SUCLA2: variants seen among roughly 807,000 people sequenced by gnomAD.
The protein encoded by SUCLA2 is succinate--CoA ligase [ADP-forming] subunit beta, mitochondrial.
SUCLA2 carries 30 observed loss-of-function variants against 54.8 expected under a neutral mutation model. The observed-to-expected ratio is 0.55, with a 90% confidence interval of 0.41 to 0.74. The LOEUF (loss-of-function observed/expected upper bound fraction) is 0.74. Ranked by LOEUF, SUCLA2 falls within the 30% of genes least tolerant of loss-of-function variation. The pLI is 0.00. For missense variants in SUCLA2, 476 were observed against 562.9 expected (o/e 0.85, Z 1.56); for synonymous variants, 172 against 188.9 (o/e 0.91, Z 0.74).
chr13:47,967,506 T>C (rs1949928663), intron 6 of SUCLA2, among the ~76,000 whole-genome samples: 2 of 152,142 alleles, frequency 1.3e-5, no homozygotes, highest in Admixed American at 1.3e-4. Flanking sequence ...GAATATTTAC[T>C]GATCTTAAGA....
At chr13:47,953,963 A>G (rs554107025) in intron 8 of SUCLA2, among the ~76,000 whole-genome samples, 177 bp downstream of exon 8, 2 of 152,278 alleles carry the variant, frequency 1.3e-5, no homozygotes, top group African/African-American at 4.8e-5. Flanking sequence ...GTGTTTCAGA[A>G]GAGTCTCTTG....
At chr13:47,948,531 G>T (rs1949752450) in intron 10 of SUCLA2, among the ~76,000 whole-genome samples, 1 of 152,062 alleles carries the variant, frequency 6.6e-6, no homozygotes, top group South Asian at 2.1e-4. Context: ...TTGGACTTCT[G>T]TATTTGTCCC....
intron 6 of SUCLA2, chr13:47,965,661 G>A (rs1261723477): frequency 5.0e-6 from 2 of 398,322 alleles, no homozygotes; most frequent in African/African-American, 2.1e-5. Flanking sequence ...ATAGTATAAA[G>A]GACATCAGTA....
chr13:48,000,262 T>C (rs1950220063), intron 1 of SUCLA2, among the ~76,000 whole-genome samples: 1 of 152,210 alleles, frequency 6.6e-6, no homozygotes, highest in Non-Finnish European at 1.5e-5. Flanking sequence ...ATAATGCCCT[T>C]CCACAGTTTT....
chr13:47,948,841 A>G, intron 10 of SUCLA2, 99 bp downstream of exon 10: 1 of 1,146,360 alleles, frequency 8.7e-7, no homozygotes, highest in Non-Finnish European at 1.3e-6. Flanking sequence ...TACACTCATA[A>G]TATTTAGCTG....
intron 8 of SUCLA2, among the ~76,000 whole-genome samples, chr13:47,950,747 A>G (rs1886977): frequency 0.95 from 144,105 of 152,156 alleles, 68,312 homozygotes; most frequent in East Asian, 1. Flanking sequence ...CCAAAATATC[A>G]TTCCCCTCAA....
At chr13:47,950,668 A>G (rs950865751) in intron 8 of SUCLA2, among the ~76,000 whole-genome samples, 4 of 152,122 alleles carry the variant, frequency 2.6e-5, no homozygotes, top group Non-Finnish European at 2.9e-5. Context: ...TTTTAAAAAA[A>G]AGAGGTTTAG....
At chr13:47,943,754 G>GTATA (rs1261086680) in intron 10 of SUCLA2, among the ~76,000 whole-genome samples, 7 of 115,692 alleles carry the variant, frequency 6.1e-5, no homozygotes, top group Admixed American at 5.0e-4. Flanking sequence ...ATGTGTGTGT[G>GTATA]TGTGTGTGTG....
At chr13:47,996,296 C>T (rs1243738660) in intron 2 of SUCLA2, among the ~76,000 whole-genome samples, 5 of 144,384 alleles carry the variant, frequency 3.5e-5, no homozygotes, top group Non-Finnish European at 6.0e-5. Flanking sequence ...GCACTCCAAC[C>T]TGGGCAATAA....
chr13:47,988,112 TA>T (rs796167254), intron 4 of SUCLA2: 1,024 of 155,528 alleles, frequency 6.6e-3, no homozygotes, highest in South Asian at 0.011. Flanking sequence ...CCGAAACTAT[TA>T]AAAAAAAAAA....
intron 2 of SUCLA2, among the ~76,000 whole-genome samples, chr13:47,989,519 A>G (rs1467561649): frequency 1.1e-4 from 17 of 150,824 alleles, no homozygotes; most frequent in Non-Finnish European, 1.5e-5. Context: ...TACAGGCATG[A>G]GCCACCGCAC....
intron 4 of SUCLA2, among the ~76,000 whole-genome samples, chr13:47,986,786 A>G (rs1228483859): frequency 6.6e-6 from 1 of 152,224 alleles, no homozygotes; most frequent in Non-Finnish European, 1.5e-5. Flanking sequence ...TCCCAGCACC[A>G]TTTATTAAAT....
At chr13:47,959,793 T>C (rs1490458309) in intron 6 of SUCLA2, among the ~76,000 whole-genome samples, 1 of 152,172 alleles carries the variant, frequency 6.6e-6, no homozygotes, top group African/African-American at 2.4e-5. Context: ...GCTCTTAGTC[T>C]TGATGAAGGT....
chr13:47,967,944 T>G (rs1366826455), intron 6 of SUCLA2, among the ~76,000 whole-genome samples: 1 of 150,722 alleles, frequency 6.6e-6, no homozygotes, highest in African/African-American at 2.4e-5. Flanking sequence ...AAGGACAATC[T>G]CAGAAAAAGA....
intron 1 of SUCLA2, among the ~76,000 whole-genome samples, chr13:47,999,535 G>A (rs562083359): frequency 3.3e-5 from 5 of 152,118 alleles, no homozygotes; most frequent in East Asian, 1.9e-4. Flanking sequence ...GTGAAACCCC[G>A]TCTTTACTAA....
intron 10 of SUCLA2, among the ~76,000 whole-genome samples, chr13:47,944,150 G>A (rs9526417): frequency 0.73 from 110,877 of 151,952 alleles, 41,394 homozygotes; most frequent in Non-Finnish European, 0.82. Flanking sequence ...CCCCTCTGAT[G>A]CTTATGACAT....
At chr13:47,944,691 T>C (rs1447956369) in intron 10 of SUCLA2, among the ~76,000 whole-genome samples, 2 of 152,226 alleles carry the variant, frequency 1.3e-5, no homozygotes, top group Non-Finnish European at 2.9e-5. Context: ...TCAAATTCTT[T>C]ATTTTTAATT....
intron 10 of SUCLA2, among the ~76,000 whole-genome samples, chr13:47,946,368 G>A (rs1949731474): frequency 6.6e-6 from 1 of 151,880 alleles, no homozygotes; most frequent in Non-Finnish European, 1.5e-5. Flanking sequence ...CATACATATA[G>A]TTATATACAT....
At chr13:47,989,281 G>A (rs148650050) in intron 2 of SUCLA2, among the ~76,000 whole-genome samples, 1 of 151,610 alleles carries the variant, frequency 6.6e-6, no homozygotes, top group African/African-American at 2.4e-5. Context: ...CGCGATCTCG[G>A]CTCACTGTAA....
Sources: gnomAD v4.1 joint callset for allele counts (sites outside exome capture counted in the v4.1 genomes callset) on GRCh38, gnomAD v4.1.1 for gene constraint, MANE v1.5 for transcripts, NCBI Gene and HGNC (gene_info 2026-07-23, HGNC 2026-07-21) for gene names.